The following CHST9 variants were observed in gnomAD, a reference collection of about 807,000 sequenced individuals.
CHST9 encodes the protein GalNAc-4-sulfotransferase 2.
CHST9 carries 41 observed loss-of-function variants against 44.4 expected under a neutral mutation model. The ratio of observed to expected loss-of-function variants is 0.92; its 90% CI spans 0.72 to 1.20. The LOEUF (loss-of-function observed/expected upper bound fraction) is 1.20, where lower values mean the gene tolerates loss of function less well. Ranked by LOEUF, CHST9 falls within the 50% of genes most tolerant of loss-of-function variation. The pLI is 0.00. For synonymous variants in CHST9, 171 were observed against 178.4 expected (o/e 0.96, Z 0.33); for missense variants, 504 against 516.5 (o/e 0.98, Z 0.23).
At chr18:26,936,150 T>C (rs932461170) in intron 5 of CHST9, 3 of 152,190 alleles carry the variant, frequency 2.0e-5, no homozygotes, top group African/African-American at 7.2e-5. Flanking sequence ...AGACCATATA[T>C]ACAACACGAA....
intron 4 of CHST9, among the ~76,000 whole-genome samples, chr18:26,979,560 C>A (rs2056666337): frequency 6.6e-6 from 1 of 152,036 alleles, no homozygotes; most frequent in Admixed American, 6.6e-5. Context: ...ATTTGATTTA[C>A]AAGGCCTCAT....
intron 3 of CHST9, among the ~76,000 whole-genome samples, chr18:27,036,091 A>G (rs1345734103): frequency 6.6e-6 from 1 of 152,206 alleles, no homozygotes; most frequent in Non-Finnish European, 1.5e-5. Context: ...GCCAAATTCA[A>G]AAGTACACAC....
intron 1 of CHST9, among the ~76,000 whole-genome samples, chr18:27,145,253 G>T (rs529178075): frequency 6.6e-6 from 1 of 152,048 alleles, no homozygotes; most frequent in Non-Finnish European, 1.5e-5. Context: ...GTGCAGTGCC[G>T]CAATCTTGGC....
At chr18:27,179,334 T>A (rs1327878865) in intron 1 of CHST9, among the ~76,000 whole-genome samples, 6 of 152,002 alleles carry the variant, frequency 3.9e-5, no homozygotes, top group Admixed American at 3.9e-4. Context: ...GGCAGTGAAG[T>A]CTGTGGTTCT....
intron 4 of CHST9, among the ~76,000 whole-genome samples, chr18:27,014,937 A>G (rs1029357393): frequency 2.6e-5 from 4 of 151,764 alleles, no homozygotes; most frequent in East Asian, 1.9e-4. Flanking sequence ...TTCTTTATCA[A>G]TCCTTAGTGG....
At chr18:26,983,077 G>A (rs142014754) in intron 4 of CHST9, among the ~76,000 whole-genome samples, 234 of 152,258 alleles carry the variant, frequency 1.5e-3, no homozygotes, top group African/African-American at 5.4e-3. Flanking sequence ...GAATCACAGC[G>A]GGAGTCCAGG....
intron 3 of CHST9, among the ~76,000 whole-genome samples, chr18:27,045,522 G>A (rs2057489676): frequency 6.6e-6 from 1 of 151,770 alleles, no homozygotes. Flanking sequence ...GAGAATCAAG[G>A]GAAAATAGAA....
intron 5 of CHST9, among the ~76,000 whole-genome samples, chr18:26,922,814 T>C (rs1449158696): frequency 1.3e-5 from 2 of 152,080 alleles, no homozygotes; most frequent in African/African-American, 4.8e-5. Flanking sequence ...TTTTGTATTT[T>C]TAGTAGAGAC....
rs59857701 is a variant in CHST9 at position 26,956,410 on chromosome 18, T to C, written c.203-12044A>G. 2.0e-4 allele frequency among the ~76,000 whole-genome samples: 30 copies of C among 147,256 alleles called. No homozygotes were observed. In the East Asian group the frequency reaches 2.5e-3, roughly 12 times the overall value. On this transcript the variant is annotated intron_variant, in intron 4 of 5. Coordinates refer to ENST00000618847, the MANE Select transcript of CHST9 (RefSeq NM_031422.6). ...ATATATAATTATATCTATATATATA[T>C]ACACAATTATATAATCACTAGGACC...
chr18:27,065,334 A>C (rs1294642657), intron 2 of CHST9, among the ~76,000 whole-genome samples: 1 of 152,224 alleles, frequency 6.6e-6, no homozygotes, highest in Admixed American at 6.5e-5. Context: ...AGATAGTATT[A>C]AAAACACAAA....
intron 5 of CHST9, among the ~76,000 whole-genome samples, chr18:26,927,320 CG>C (rs1410034434): frequency 1.3e-5 from 2 of 151,672 alleles, no homozygotes; most frequent in Non-Finnish European, 2.9e-5. Flanking sequence ...CGTTTCTCGT[CG>C]GGGGGCGGGG....
intron 1 of CHST9, among the ~76,000 whole-genome samples, chr18:27,163,341 G>T (rs1349393944): frequency 6.6e-6 from 1 of 152,206 alleles, no homozygotes; most frequent in African/African-American, 2.4e-5. Flanking sequence ...CTTCAAGGCT[G>T]TCAGACAGGG....
At chr18:27,141,831 A>G (rs2058570546) in intron 2 of CHST9, among the ~76,000 whole-genome samples, 1 of 151,996 alleles carries the variant, frequency 6.6e-6, no homozygotes, top group African/African-American at 2.4e-5. Context: ...CTTAACAGTC[A>G]TAAGCCATAG....
chr18:27,115,143 A>T (rs1352956392), intron 2 of CHST9, among the ~76,000 whole-genome samples: 1 of 152,152 alleles, frequency 6.6e-6, no homozygotes, highest in African/African-American at 2.4e-5. Context: ...AGGCCTCCCT[A>T]GTAATGTGGA....
intron 2 of CHST9, among the ~76,000 whole-genome samples, chr18:27,131,964 T>G (rs899270280): frequency 6.6e-6 from 1 of 152,180 alleles, no homozygotes; most frequent in African/African-American, 2.4e-5. Flanking sequence ...GGCCAACCAA[T>G]GTATACCTTT....
chr18:27,158,939 C>G (rs1029600618), intron 1 of CHST9, among the ~76,000 whole-genome samples: 4 of 152,240 alleles, frequency 2.6e-5, no homozygotes, highest in African/African-American at 9.6e-5. Flanking sequence ...ATCCTTCGCC[C>G]ACTTTTTGAT....
At chr18:27,074,939 A>ACAT (rs1682339969) in intron 2 of CHST9, among the ~76,000 whole-genome samples, 1 of 148,890 alleles carries the variant, frequency 6.7e-6, no homozygotes, top group South Asian at 2.1e-4. Context: ...ATAAGATTTA[A>ACAT]CATCTATAGT....
At chr18:27,025,665 C>T (rs2057277814) in intron 3 of CHST9, among the ~76,000 whole-genome samples, 1 of 152,034 alleles carries the variant, frequency 6.6e-6, no homozygotes. Context: ...TCATATAGCT[C>T]ATCAGTAAGT....
intron 3 of CHST9, among the ~76,000 whole-genome samples, chr18:27,029,019 G>A (rs986203726): frequency 6.6e-5 from 10 of 152,110 alleles, no homozygotes; most frequent in East Asian, 1.9e-4. Flanking sequence ...AGAATTTGAC[G>A]CCTGAATTTG....
Sources: allele counts gnomAD v4.1 joint callset (sites outside exome capture counted in the v4.1 genomes callset), GRCh38; gene constraint gnomAD v4.1.1; transcripts MANE v1.5; gene names NCBI Gene and HGNC (gene_info 2026-07-23, HGNC 2026-07-21).